Variants in UGT1A3 observed in about 807,000 individuals in gnomAD.
UGT1A3 encodes UDP-glucuronosyltransferase 1A3.
Under a neutral mutation model 41.0 loss-of-function variants are expected in UGT1A3, and 31 were observed. The ratio of observed to expected loss-of-function variants is 0.76; its 90% CI spans 0.57 to 1.02. The LOEUF (loss-of-function observed/expected upper bound fraction) is 1.02, where lower values mean the gene tolerates loss of function less well. Ranked by LOEUF, UGT1A3 falls within the 50% of genes least tolerant of loss-of-function variation. The pLI is 0.00. For synonymous variants in UGT1A3, 262 were observed against 257.6 expected (o/e 1.02, Z -0.17); for missense variants, 737 against 671.0 (o/e 1.10, Z -1.09).
rs1162609742 is a variant in UGT1A3 at position 233,768,299 on chromosome 2, G to A, written c.1167G>A (p.Met389Ile). ...AAAGCATATGCAATGGCGTTCCCAT[G>A]GTGATGATGCCCTTGTTTGGTGATC... ...VYESICNGVP[M>I]VMMPLFGDQM... Residue 389 changes from methionine to isoleucine, a missense_variant, in exon 4 of 5, where the codon ATG becomes ATA. Coordinates refer to ENST00000482026, the MANE Select transcript of UGT1A3 (RefSeq NM_019093.4). The A allele has an allele frequency of 2.5e-6, 4 of 1,614,176 alleles. No individual in the cohort carries two copies. The highest frequency in any genetic ancestry group is 2.7e-5 in the African/African-American group (2 of 75,038).
At chr2:233,772,184 TA>T (rs2126065808) in intron 4 of UGT1A3, 77 bp from the exon 5 acceptor site, 1 of 1,591,636 alleles carries the variant, frequency 6.3e-7, no homozygotes, top group Admixed American at 1.8e-5. Context: ...GTAGTCTTCT[TA>T]AGCAGCCATG....
chr2:233,762,888 C>T (rs986387218), intron 1 of UGT1A3, among the ~76,000 whole-genome samples: 1 of 152,086 alleles, frequency 6.6e-6, no homozygotes, highest in African/African-American at 2.4e-5. Context: ...TTATAAATTC[C>T]ATGCCAAATA....
At chr2:233,757,710 G>A (rs942741461) in intron 1 of UGT1A3, among the ~76,000 whole-genome samples, 2 of 151,554 alleles carry the variant, frequency 1.3e-5, no homozygotes, top group Admixed American at 6.6e-5. Flanking sequence ...TTTGCTTCCC[G>A]GGAGGGTCCT....
At chr2:233,765,397 A>G (rs1698823781) in intron 1 of UGT1A3, among the ~76,000 whole-genome samples, 1 of 152,238 alleles carries the variant, frequency 6.6e-6, no homozygotes, top group South Asian at 2.1e-4. Context: ...AAAATGTGGT[A>G]CATATACACC....
In UGT1A3 at chr2:233,768,066, C is replaced by T; in HGVS notation, c.1087+130C>T. The T allele has an allele frequency of 1.9e-6, 3 of 1,597,468 alleles. No homozygotes were observed. In the Admixed American group the frequency reaches 5.2e-5, roughly 28 times the overall value. On this transcript the variant is annotated intron_variant, in intron 3 of 4. Coordinates refer to ENST00000482026, the MANE Select transcript of UGT1A3 (RefSeq NM_019093.4). ...CAACATATCCTACATTGCTTTTTAT[C>T]TAGTGGGGTATCTCAACCCACATTT...
In UGT1A3 at chr2:233,772,139, G is replaced by T. The variant is rs1700470475; in HGVS notation, c.1308-123G>T. ...AAAAACAACAACAACAACAATAATA[G>T]AAACAGGTTTCCTTTCCCAAGTTTG... On this transcript the variant is annotated intron_variant, in intron 4 of 4. Coordinates refer to ENST00000482026, the MANE Select transcript of UGT1A3 (RefSeq NM_019093.4). The T allele has an allele frequency of 5.2e-6, 8 of 1,548,574 alleles. No homozygotes were observed. In the Admixed American group the frequency reaches 1.2e-4, roughly 23 times the overall value.
intron 1 of UGT1A3, among the ~76,000 whole-genome samples, chr2:233,749,749 G>C (rs1286332209): frequency 2.0e-5 from 3 of 151,910 alleles, no homozygotes; most frequent in Non-Finnish European, 2.9e-5. Context: ...ATCATAGTGA[G>C]TGAGTTCTTA....
chr2:233,746,205 C>G (rs547152411), intron 1 of UGT1A3, among the ~76,000 whole-genome samples: 7 of 151,856 alleles, frequency 4.6e-5, no homozygotes, highest in Admixed American at 2.6e-4. Flanking sequence ...TATAGCTATA[C>G]TCTAATAGCA....
intron 1 of UGT1A3, among the ~76,000 whole-genome samples, chr2:233,762,481 T>C (rs948381917): frequency 6.6e-6 from 1 of 152,238 alleles, no homozygotes; most frequent in African/African-American, 2.4e-5. Context: ...ATCACTCCAG[T>C]TTTAAATGCT....
rs754967236 is a variant in UGT1A3, at chr2:233,729,220, T to C, written c.94T>C (p.Leu32=). Residue 32 remains leucine, a synonymous_variant, in exon 1 of 5, where the codon TTG becomes CTG. Transcript: ENST00000482026. The part of the protein sequence containing the change: ...VQPWAESGKV[L]VVPIDGSHWL... ...GCCCTGGGCTGAGAGTGGAAAGGTG[T>C]TGGTGGTGCCCATTGATGGCAGCCA... 5.0e-6 allele frequency: 8 copies of C among 1,613,996 alleles called. No individual in the cohort carries two copies. Among genetic ancestry groups the C allele is most frequent in the Admixed American group, 3.3e-5 (2 of 59,996 alleles).
At chr2:233,745,472 G>A (rs1454081365) in intron 1 of UGT1A3, among the ~76,000 whole-genome samples, 1 of 151,704 alleles carries the variant, frequency 6.6e-6, no homozygotes, top group Non-Finnish European at 1.5e-5. Context: ...AGGGGAAAAT[G>A]ATTAACCAAA....
intron 1 of UGT1A3, chr2:233,747,360 G>A: frequency 6.2e-7 from 1 of 1,603,748 alleles, no homozygotes; most frequent in Non-Finnish European, 8.5e-7. Context: ...GGCCGTGCGG[G>A]AGCTCCATGC....
At chr2:233,759,500 CTAA>C (rs1055153309) in intron 1 of UGT1A3, among the ~76,000 whole-genome samples, 11 of 152,162 alleles carry the variant, frequency 7.2e-5, no homozygotes, top group Non-Finnish European at 1.6e-4. Flanking sequence ...CAGGTTCACA[CTAA>C]TAAAGGCCTG....
intron 1 of UGT1A3, 40 bp downstream of exon 1, chr2:233,730,033 A>G (rs1166211754): frequency 6.2e-7 from 1 of 1,613,140 alleles, no homozygotes; most frequent in African/African-American, 1.3e-5. Flanking sequence ...GTTCCAGGCA[A>G]AACACTTTTT....
At chr2:233,767,657 C>T (rs1486356449) in intron 2 of UGT1A3, among the ~76,000 whole-genome samples, 192 bp from the exon 3 acceptor site, 2 of 152,174 alleles carry the variant, frequency 1.3e-5, no homozygotes, top group Non-Finnish European at 2.9e-5. Flanking sequence ...AGTGCATACA[C>T]CCTTGTAACT....
chr2:233,729,580 G>T lies in UGT1A3; in HGVS notation c.454G>T (p.Asp152Tyr), dbSNP rs1173823141. The T allele has an allele frequency of 2.5e-6, 4 of 1,613,992 alleles. No individual in the cohort carries two copies. The highest frequency in any genetic ancestry group is 3.4e-6 in the Non-Finnish European group (4 of 1,180,024). Residue 152 changes from aspartate (D) to tyrosine (Y), a missense_variant, in exon 1 of 5, where the codon GAC becomes TAC. Transcript: ENST00000482026. The part of the protein sequence containing the change: ...NATSFDVVLT[D>Y]PVNLCAAVLA... Reference sequence around the variant, plus strand: ...TACTTCCTTTGATGTGGTTTTAACAGACCCCGTTAACCTCTGCGCGGCAGT... The same window carrying T: ...TACTTCCTTTGATGTGGTTTTAACATACCCCGTTAACCTCTGCGCGGCAGT...
At chr2:233,735,393 C>T (rs948009314) in intron 1 of UGT1A3, among the ~76,000 whole-genome samples, 32 of 152,066 alleles carry the variant, frequency 2.1e-4, no homozygotes, top group Non-Finnish European at 3.5e-4. Flanking sequence ...TTATTTTGAG[C>T]CTATGTGTGT....
intron 1 of UGT1A3, chr2:233,755,332 C>A (rs556124321): frequency 5.3e-4 from 243 of 459,718 alleles, no homozygotes; most frequent in African/African-American, 4.6e-3. Flanking sequence ...CCAGCACCCG[C>A]GCACAGGTCA....
chr2:233,757,562 G>GTATATATATATATATATA (rs1491042837), intron 1 of UGT1A3, among the ~76,000 whole-genome samples: 1 of 90,870 alleles, frequency 1.1e-5, no homozygotes, highest in Non-Finnish European at 2.1e-5. Context: ...ATATATATAT[G>GTATATATATATATATATA]TATATATGAT....
Sources: allele counts gnomAD v4.1 joint callset (sites outside exome capture counted in the v4.1 genomes callset), GRCh38; gene constraint gnomAD v4.1.1; transcripts MANE v1.5; gene names NCBI Gene and HGNC (gene_info 2026-07-23, HGNC 2026-07-21).